The following GPR158 variants were observed in gnomAD, a reference collection of about 807,000 sequenced individuals.
GPR158 encodes G protein-coupled receptor 158.
GPR158 carries 30 observed loss-of-function variants against 78.2 expected under a neutral mutation model. That is an observed-to-expected ratio of 0.38 (90% CI 0.29 to 0.52). The LOEUF (loss-of-function observed/expected upper bound fraction) is 0.52, where lower values mean the gene tolerates loss of function less well. Among genes scored for constraint, GPR158 ranks in the 20% least tolerant of loss-of-function variants. The probability of loss-of-function intolerance (pLI) is 0.83; values close to 1 mark genes in which losing one functional copy is unlikely to be tolerated. For synonymous variants in GPR158, 581 were observed against 591.1 expected (o/e 0.98, Z 0.25); for missense variants, 1,463 against 1,523.5 (o/e 0.96, Z 0.66).
At chr10:25,309,131 C>G (rs1457689581) in intron 2 of GPR158, among the ~76,000 whole-genome samples, 1 of 152,012 alleles carries the variant, frequency 6.6e-6, no homozygotes, top group Non-Finnish European at 1.5e-5. Context: ...GAGCTGCTAT[C>G]CTGTTTTCTA....
At chr10:25,514,933 C>T (rs1836141264) in intron 5 of GPR158, among the ~76,000 whole-genome samples, 1 of 152,132 alleles carries the variant, frequency 6.6e-6, no homozygotes, top group South Asian at 2.1e-4. Flanking sequence ...GCTTTTGCTT[C>T]ATAGCTCTTA....
chr10:25,539,850 A>C (rs1444635209), intron 5 of GPR158, among the ~76,000 whole-genome samples: 1 of 152,212 alleles, frequency 6.6e-6, no homozygotes, highest in Admixed American at 6.5e-5. Context: ...ATGGAATCAA[A>C]AATGAACCTA....
chr10:25,468,210 T>G (rs2130619683), intron 5 of GPR158, among the ~76,000 whole-genome samples: 2 of 152,222 alleles, frequency 1.3e-5, no homozygotes, highest in East Asian at 1.9e-4. Flanking sequence ...GCATAGGTAT[T>G]TCCCCTCTCT....
At chr10:25,447,908 C>T (rs568862066) in intron 4 of GPR158, among the ~76,000 whole-genome samples, 1 of 152,250 alleles carries the variant, frequency 6.6e-6, no homozygotes, top group East Asian at 1.9e-4. Flanking sequence ...GTGGAAGTCT[C>T]CATTAGCCTC....
At chr10:25,444,873 TGACTGAAAAGCTCCAGATCATGA>T (rs1564457539) in intron 4 of GPR158, among the ~76,000 whole-genome samples, 2 of 152,160 alleles carry the variant, frequency 1.3e-5, no homozygotes, top group Non-Finnish European at 2.9e-5. Flanking sequence ...TTCTGATCCA[TGACTGAAAAGCTCCAGATCATGA>T]GACTTCTTAA....
At chr10:25,450,008 A>T (rs974826647) in intron 4 of GPR158, among the ~76,000 whole-genome samples, 2 of 151,442 alleles carry the variant, frequency 1.3e-5, no homozygotes, top group Non-Finnish European at 2.9e-5. Flanking sequence ...TGATCAGAAA[A>T]AAAAAACCTC....
Position 25,480,306 on chromosome 10 carries a change from T to C in GPR158, c.1404+13587T>C, listed in dbSNP as rs532623830. On this transcript the variant is annotated intron_variant, in intron 5 of 10. Transcript: ENST00000376351. ...TTCTCTGATTTTTATTCATCTTTAT[T>C]ATAACCATTCTTTTTCATTATGGTA... Among the ~76,000 whole-genome samples the C allele has an allele frequency of 1.4e-3, 218 of 152,318 alleles. 2 individuals are homozygous for C. Among genetic ancestry groups the C allele is most frequent in the Middle Eastern group, 0.01 (3 of 294 alleles).
intron 4 of GPR158, among the ~76,000 whole-genome samples, chr10:25,450,216 A>T (rs138726188): frequency 6.6e-6 from 1 of 151,966 alleles, no homozygotes; most frequent in African/African-American, 2.4e-5. Context: ...CTGCAGCCCT[A>T]TGGTGGGGAG....
intron 4 of GPR158, among the ~76,000 whole-genome samples, chr10:25,461,149 G>A (rs1387874145): frequency 6.6e-6 from 1 of 152,074 alleles, no homozygotes; most frequent in Admixed American, 6.6e-5. Flanking sequence ...ATGGCCTTTA[G>A]TGTTCAAGTG....
chr10:25,573,261 C>T (rs947022437), intron 7 of GPR158, among the ~76,000 whole-genome samples: 2 of 152,152 alleles, frequency 1.3e-5, no homozygotes, highest in African/African-American at 2.4e-5. Context: ...AAAGGAAGCA[C>T]GCTGGTTTTT....
chr10:25,596,839 T>C, intron 10 of GPR158, 50 bp downstream of exon 10: 2 of 1,549,246 alleles, frequency 1.3e-6, no homozygotes, highest in Non-Finnish European at 1.8e-6. Flanking sequence ...GCCTTATTTA[T>C]ACAGGCAGGC....
chr10:25,580,819 G>A (rs1028830998), intron 7 of GPR158, among the ~76,000 whole-genome samples: 1 of 152,054 alleles, frequency 6.6e-6, no homozygotes, highest in South Asian at 2.1e-4. Flanking sequence ...TCGAACTCCT[G>A]GACTCAAGCC....
intron 3 of GPR158, among the ~76,000 whole-genome samples, chr10:25,406,836 G>C (rs1834522390): frequency 6.6e-6 from 1 of 152,136 alleles, no homozygotes; most frequent in Non-Finnish European, 1.5e-5. Flanking sequence ...ATATTAGTAG[G>C]AGGGAAGTTA....
chr10:25,262,813 AT>A (rs947671405), intron 2 of GPR158, among the ~76,000 whole-genome samples: 1 of 152,242 alleles, frequency 6.6e-6, no homozygotes, highest in African/African-American at 2.4e-5. Context: ...AGTGATATGT[AT>A]CTACCATTAT....
In GPR158 at chr10:25,412,471, A is replaced by G. The variant is rs1834605691; in HGVS notation, c.1333A>G (p.Lys445Glu). The change falls in exon 4 of 11, where the codon AAG becomes GAG. Residue 445 changes from lysine (K) to glutamate (E), a missense_variant and splice_region_variant. Physicochemically the swap from Lys to Glu is moderately conservative, Grantham distance 56. Coordinates refer to ENST00000376351, the MANE Select transcript of GPR158 (RefSeq NM_020752.3). The part of the protein sequence containing the change: ...MLVVYHFRKA[K>E]SIRASGLILL... Reference sequence around the variant, plus strand: ...GGTGGTCTACCACTTTCGCAAAGCAAAGGTAAACCCAGGAACCCTGGTTAT... The same window carrying G: ...GGTGGTCTACCACTTTCGCAAAGCAGAGGTAAACCCAGGAACCCTGGTTAT... 1 of 1,608,960 alleles carries G rather than the reference A, an allele frequency of 6.2e-7. No individual in the cohort carries two copies. The highest frequency in any genetic ancestry group is 8.5e-7 in the Non-Finnish European group (1 of 1,175,544).
At chr10:25,576,689 A>T (rs1837101270) in intron 7 of GPR158, among the ~76,000 whole-genome samples, 1 of 152,144 alleles carries the variant, frequency 6.6e-6, no homozygotes, top group South Asian at 2.1e-4. Flanking sequence ...AGAAGCTAAG[A>T]GAAGAGATTG....
At chr10:25,311,675 A>G (rs936061549) in intron 2 of GPR158, among the ~76,000 whole-genome samples, 1 of 151,950 alleles carries the variant, frequency 6.6e-6, no homozygotes, top group Non-Finnish European at 1.5e-5. Flanking sequence ...GACTTCCTTT[A>G]TATGCTTAAA....
intron 4 of GPR158, among the ~76,000 whole-genome samples, chr10:25,465,789 G>A (rs1245038033): frequency 6.6e-6 from 1 of 152,164 alleles, no homozygotes; most frequent in African/African-American, 2.4e-5. Flanking sequence ...TTTAGGAATG[G>A]CATTCAGTAT....
chr10:25,400,799 T>C (rs137988220), intron 3 of GPR158, among the ~76,000 whole-genome samples: 1 of 152,324 alleles, frequency 6.6e-6, no homozygotes, highest in East Asian at 1.9e-4. Flanking sequence ...GCCTTTTGGA[T>C]TGACTTCAGC....
Sources: gnomAD v4.1 joint callset for allele counts (sites outside exome capture counted in the v4.1 genomes callset) on GRCh38, gnomAD v4.1.1 for gene constraint, MANE v1.5 for transcripts, NCBI Gene and HGNC (gene_info 2026-07-23, HGNC 2026-07-21) for gene names.